ERC1: variants seen among roughly 807,000 people sequenced by gnomAD.
The protein encoded by ERC1 is ELKS/RAB6-interacting/CAST family member 1.
ERC1 carries 56 observed loss-of-function variants against 132.0 expected under a neutral mutation model. That is an observed-to-expected ratio of 0.42 (90% confidence interval 0.34 to 0.53). ERC1 has a LOEUF of 0.53. Among genes scored for constraint, ERC1 ranks in the 20% least tolerant of loss-of-function variants. The probability of loss-of-function intolerance (pLI) is 0.03; values close to 1 mark genes in which losing one functional copy is unlikely to be tolerated. For missense variants in ERC1, 1,202 were observed against 1,349.9 expected (o/e 0.89, Z 1.72); for synonymous variants, 478 against 476.1 (o/e 1.00, Z -0.05).
chr12:1,262,006 T>C (rs2077173968), intron 13 of ERC1, among the ~76,000 whole-genome samples: 3 of 152,222 alleles, frequency 2.0e-5, no homozygotes, highest in Non-Finnish European at 4.4e-5. Flanking sequence ...AAGGTACAGT[T>C]GTCAAAAAGG....
At chr12:1,305,637 A>T (rs754617290) in intron 15 of ERC1, among the ~76,000 whole-genome samples, 4 of 152,104 alleles carry the variant, frequency 2.6e-5, no homozygotes, top group Non-Finnish European at 4.4e-5. Context: ...CACTATTTTT[A>T]TGAGTTTGGA....
intron 5 of ERC1, among the ~76,000 whole-genome samples, chr12:1,111,042 C>T (rs747777479): frequency 1.3e-5 from 2 of 152,028 alleles, no homozygotes; most frequent in African/African-American, 4.8e-5. Context: ...AATGAAGTTA[C>T]GTTTCCCCTC....
intron 16 of ERC1, among the ~76,000 whole-genome samples, chr12:1,398,026 C>T (rs1260951702): frequency 1.3e-5 from 2 of 152,152 alleles, no homozygotes; most frequent in Non-Finnish European, 2.9e-5. Context: ...CACTCTCTCC[C>T]AGGCTGGAGC....
At chr12:1,273,880 A>G (rs1451114430) in intron 14 of ERC1, among the ~76,000 whole-genome samples, 1 of 152,222 alleles carries the variant, frequency 6.6e-6, no homozygotes, top group East Asian at 1.9e-4. Context: ...GGATATTCAA[A>G]TACAAGCATT....
intron 18 of ERC1, among the ~76,000 whole-genome samples, chr12:1,454,009 G>A (rs1358961905): frequency 6.6e-6 from 1 of 151,982 alleles, no homozygotes; most frequent in African/African-American, 2.4e-5. Flanking sequence ...GTTACCAAGG[G>A]AACCAACCCT....
intron 1 of ERC1, among the ~76,000 whole-genome samples, chr12:1,003,803 A>G (rs925729561): frequency 3.9e-5 from 6 of 152,230 alleles, no homozygotes; most frequent in African/African-American, 1.4e-4. Context: ...AGAATAAGCC[A>G]AAGGTTCCTG....
At chr12:1,225,519 G>A (rs1260667329) in intron 12 of ERC1, among the ~76,000 whole-genome samples, 1 of 150,840 alleles carries the variant, frequency 6.6e-6, no homozygotes, top group Non-Finnish European at 1.5e-5. Flanking sequence ...ATAGGATGAG[G>A]GTAATGAATT....
In ERC1 at chr12:1,191,865, AG is replaced by A. The variant is rs1441288160; in HGVS notation, c.2351+1815del. Among the ~76,000 whole-genome samples, 90 of 151,868 alleles carry A rather than the reference AG, an allele frequency of 5.9e-4. 1 individual carries two copies. Among genetic ancestry groups the A allele is most frequent in the Middle Eastern group, 3.4e-3 (1 of 292 alleles). On this transcript the variant is annotated intron_variant, in intron 12 of 18. Coordinates refer to ENST00000360905, the MANE Select transcript of ERC1 (RefSeq NM_178040.4). ...CTTGGCTACTGGAAAAAAAAAAAAA[AG>A]GAACAGCTTTCATAACTCAGCTTTT...
intron 7 of ERC1, among the ~76,000 whole-genome samples, chr12:1,125,591 G>A (rs376916975): frequency 6.6e-6 from 1 of 152,138 alleles, no homozygotes; most frequent in East Asian, 1.9e-4. Context: ...TGAGGCAGGT[G>A]GATTATCTGA....
intron 3 of ERC1, 116 bp from the exon 4 acceptor site, chr12:1,104,634 G>C: frequency 1.4e-6 from 1 of 720,192 alleles, no homozygotes. Context: ...ACACAGAAGG[G>C]GTCATTGTCT....
intron 15 of ERC1, among the ~76,000 whole-genome samples, chr12:1,357,430 G>T (rs1188440063): frequency 3.3e-5 from 5 of 152,226 alleles, no homozygotes; most frequent in African/African-American, 1.2e-4. Flanking sequence ...AAAGTGCAGA[G>T]ATTAATTGCC....
chr12:1,480,925 G>A (rs1345211769), intron 18 of ERC1: 8 of 702,276 alleles, frequency 1.1e-5, no homozygotes, highest in Middle Eastern at 2.3e-4. Context: ...GCCCCCAGAC[G>A]TCCCCCTTAC....
intron 17 of ERC1, among the ~76,000 whole-genome samples, chr12:1,412,728 A>G (rs2091914858): frequency 6.6e-6 from 1 of 152,160 alleles, no homozygotes; most frequent in South Asian, 2.1e-4. Context: ...TATCCAAAAA[A>G]TGGGTTTATG....
At chr12:1,053,256 A>G (rs1377128131) in intron 2 of ERC1, among the ~76,000 whole-genome samples, 3 of 152,228 alleles carry the variant, frequency 2.0e-5, no homozygotes, top group Non-Finnish European at 4.4e-5. Context: ...TTCAGCAAAC[A>G]TTGAGTTTAC....
chr12:1,203,252 T>G lies in ERC1; in HGVS notation c.2351+13200T>G, dbSNP rs150490712. ...TTTGTATTTTTAGTAGAGATGGGGT[T>G]TCACCGTGTTGGCTAGGCTGGTCTC... On this transcript the variant is annotated intron_variant, in intron 12 of 18. Transcript: ENST00000360905. 4.5e-3 allele frequency among the ~76,000 whole-genome samples: 691 copies of G among 152,244 alleles called. 6 individuals carry two copies. The highest frequency in any genetic ancestry group is 0.016 in the African/African-American group (649 of 41,544).
chr12:1,172,475 GAACA>G (rs1464503959), intron 8 of ERC1, among the ~76,000 whole-genome samples: 4 of 152,054 alleles, frequency 2.6e-5, no homozygotes, highest in South Asian at 2.1e-4. Flanking sequence ...CTCAAAAACA[GAACA>G]AACAAATATG....
intron 3 of ERC1, among the ~76,000 whole-genome samples, chr12:1,095,817 T>G (rs1943948487): frequency 6.6e-6 from 1 of 152,212 alleles, no homozygotes; most frequent in Admixed American, 6.5e-5. Flanking sequence ...AGGTGCAGGC[T>G]TCTGAATGGG....
intron 15 of ERC1, among the ~76,000 whole-genome samples, chr12:1,340,317 TAA>T (rs1173990809): frequency 6.6e-6 from 1 of 152,076 alleles, no homozygotes; most frequent in Non-Finnish European, 1.5e-5. Flanking sequence ...CCCCTGGGGC[TAA>T]AGTCTCCTAT....
Position 1,051,813 on chromosome 12 carries a change from G to A in ERC1, c.669+23241G>A, listed in dbSNP as rs142104912. 8.5e-5 allele frequency among the ~76,000 whole-genome samples: 13 copies of A among 152,202 alleles called. 1 individual carries two copies. The highest frequency in any genetic ancestry group is 5.2e-4 in the Admixed American group (8 of 15,278). On this transcript the variant is annotated intron_variant, in intron 2 of 18. Transcript: ENST00000360905. ...TGAATTAATAAAGCACTAAGGCACCGTGTCCTTATGATCGCCTCTGCTCCT... is the reference window on the plus strand; with the variant it reads ...TGAATTAATAAAGCACTAAGGCACCATGTCCTTATGATCGCCTCTGCTCCT...
Sources: gnomAD v4.1 joint callset for allele counts (sites outside exome capture counted in the v4.1 genomes callset) on GRCh38, gnomAD v4.1.1 for gene constraint, MANE v1.5 for transcripts, NCBI Gene and HGNC (gene_info 2026-07-23, HGNC 2026-07-21) for gene names.